PTK2: variants seen among roughly 807,000 people sequenced by gnomAD.
PTK2 encodes focal adhesion kinase 1.
A neutral mutation model predicts 150.1 loss-of-function variants in PTK2; 45 were observed. The observed-to-expected ratio is 0.30, with a 90% confidence interval of 0.24 to 0.38. The LOEUF (loss-of-function observed/expected upper bound fraction) is 0.38. Among genes scored for constraint, PTK2 ranks in the 10% least tolerant of loss-of-function variants. The probability of loss-of-function intolerance (pLI) is 1.00; values close to 1 mark genes in which losing one functional copy is unlikely to be tolerated. For missense variants in PTK2, 919 were observed against 1,307.3 expected (o/e 0.70, Z 4.58); for synonymous variants, 432 against 449.2 (o/e 0.96, Z 0.48).
exon 4 of PTK2, chr8:140,879,529 T>A (rs747807231): frequency 2.5e-6 from 4 of 1,613,958 alleles, no homozygotes; most frequent in Non-Finnish European, 3.4e-6. Flanking sequence ...GAGACGCCCA[T>A]ATCCACGTGA....
intron 2 of PTK2, 61 bp from the exon 3 acceptor site, chr8:140,890,830 G>GAT: frequency 7.2e-7 from 1 of 1,396,838 alleles, no homozygotes; most frequent in Non-Finnish European, 1.0e-6. Context: ...ATTACAATGT[G>GAT]ATATGTTGTT....
At chr8:140,937,166 T>C (rs1266039935) in intron 1 of PTK2, among the ~76,000 whole-genome samples, 1 of 152,186 alleles carries the variant, frequency 6.6e-6, no homozygotes, top group Non-Finnish European at 1.5e-5. Context: ...ATACACCTAA[T>C]TTGCACATTT....
At chr8:140,712,479 G>A (rs548925026) in intron 23 of PTK2, among the ~76,000 whole-genome samples, 47 of 152,274 alleles carry the variant, frequency 3.1e-4, no homozygotes, top group South Asian at 2.7e-3. Flanking sequence ...AATGCAAGTG[G>A]TAGCTTCTTA....
At chr8:140,843,042 C>T (rs1039728835) in intron 7 of PTK2, among the ~76,000 whole-genome samples, 18 of 152,042 alleles carry the variant, frequency 1.2e-4, no homozygotes, top group Admixed American at 8.5e-4. Flanking sequence ...ACAAAAACTG[C>T]GTAAGGTTTT....
chr8:140,914,184 G>T (rs143121849), intron 2 of PTK2, among the ~76,000 whole-genome samples: 31 of 152,146 alleles, frequency 2.0e-4, no homozygotes, highest in African/African-American at 7.0e-4. Context: ...ACGAATCAAT[G>T]ACATTATAAA....
At chr8:140,731,249 T>C (rs2100049136) in intron 22 of PTK2, among the ~76,000 whole-genome samples, 1 of 152,124 alleles carries the variant, frequency 6.6e-6, no homozygotes, top group African/African-American at 2.4e-5. Context: ...CTTGAGCCAC[T>C]GCGCCCGGCT....
intron 1 of PTK2, among the ~76,000 whole-genome samples, chr8:140,968,375 A>C (rs1587958176): frequency 6.6e-6 from 1 of 152,162 alleles, no homozygotes; most frequent in East Asian, 1.9e-4. Context: ...CATCGAGTTG[A>C]TCCTGCCCAA....
intron 1 of PTK2, among the ~76,000 whole-genome samples, chr8:140,928,957 ATTTTTTTTTT>A (rs34658967): frequency 0.019 from 1,766 of 92,216 alleles, 27 homozygotes; most frequent in Middle Eastern, 0.054. Context: ...TTTTATCACA[ATTTTTTTTTT>A]TTTTTTTTTT....
chr8:140,664,792 T>C (rs1343514243), intron 31 of PTK2, 125 bp downstream of exon 35: 2 of 928,614 alleles, frequency 2.2e-6, no homozygotes, highest in Non-Finnish European at 1.7e-6. Context: ...GGTCATCGCT[T>C]GTAGGGCAGT....
intron 23 of PTK2, among the ~76,000 whole-genome samples, chr8:140,708,339 G>A (rs1040921381): frequency 1.1e-4 from 16 of 152,060 alleles, no homozygotes; most frequent in Admixed American, 2.6e-4. Context: ...TGCCTGGAAT[G>A]TCTCCTCCTT....
At chr8:140,997,672 C>T (rs1051496461) in intron 1 of PTK2, among the ~76,000 whole-genome samples, 1 of 152,244 alleles carries the variant, frequency 6.6e-6, no homozygotes, top group African/African-American at 2.4e-5. Context: ...GGCACAGTGA[C>T]TCATGCCTGT....
intron 27 of PTK2, among the ~76,000 whole-genome samples, chr8:140,681,547 AG>A (rs59071314): frequency 0.038 from 5,766 of 151,566 alleles, 279 homozygotes; most frequent in African/African-American, 0.11. Flanking sequence ...GGAGGCGGGC[AG>A]GGGGGGATCA....
chr8:140,675,598 C>G, intron 27 of PTK2, 99 bp from the exon 31 acceptor site: 1 of 875,190 alleles, frequency 1.1e-6, no homozygotes, highest in Non-Finnish European at 1.9e-6. Context: ...AACTTCTAGG[C>G]TAGATTCTAG....
At chr8:140,856,337 G>C (rs1279159969) in intron 5 of PTK2, among the ~76,000 whole-genome samples, 2 of 151,684 alleles carry the variant, frequency 1.3e-5, no homozygotes, top group Non-Finnish European at 2.9e-5. Flanking sequence ...GCTTGCCAAA[G>C]AATGTTCCCA....
At chr8:140,791,680 A>G (rs1438103205) in intron 13 of PTK2, among the ~76,000 whole-genome samples, 1 of 152,192 alleles carries the variant, frequency 6.6e-6, no homozygotes, top group Non-Finnish European at 1.5e-5. Context: ...GGGTGGGTCA[A>G]TGAGGTTTCT....
intron 17 of PTK2, among the ~76,000 whole-genome samples, chr8:140,747,717 G>A (rs2100060134): frequency 1.1e-5 from 1 of 89,088 alleles, no homozygotes; most frequent in South Asian, 6.3e-4. Context: ...GGGGAGGAAG[G>A]GAGGAGGGGG....
At chr8:140,795,469 G>C (rs1008213744) in intron 12 of PTK2, among the ~76,000 whole-genome samples, 1 of 152,016 alleles carries the variant, frequency 6.6e-6, no homozygotes. Flanking sequence ...CACCCCTTCA[G>C]GTGCGACTCT....
At chr8:140,834,121 C>T (rs532323254) in intron 7 of PTK2, among the ~76,000 whole-genome samples, 24 of 152,310 alleles carry the variant, frequency 1.6e-4, no homozygotes, top group Middle Eastern at 3.4e-3. Context: ...GTTCCATTGT[C>T]GCAGAAAGCT....
intron 22 of PTK2, among the ~76,000 whole-genome samples, chr8:140,725,844 CAA>C (rs551800761): frequency 5.7e-5 from 4 of 69,892 alleles, no homozygotes; most frequent in African/African-American, 1.0e-4. Context: ...CCTTGATATA[CAA>C]AAAAAAAAAA....
Sources: allele counts gnomAD v4.1 joint callset (sites outside exome capture counted in the v4.1 genomes callset), GRCh38; gene constraint gnomAD v4.1.1; transcripts MANE v1.5; gene names NCBI Gene and HGNC (gene_info 2026-07-23, HGNC 2026-07-21).